Variants in SIPA1L2 observed in about 807,000 individuals in gnomAD.
SIPA1L2 encodes signal induced proliferation associated 1 like 2.
In SIPA1L2, 56 loss-of-function variants were observed where a neutral mutation model predicts 163.9. The observed-to-expected ratio is 0.34, with a 90% CI of 0.28 to 0.43. SIPA1L2 has a LOEUF of 0.43. Ranked by LOEUF, SIPA1L2 falls within the 20% of genes least tolerant of loss-of-function variation. SIPA1L2 has a pLI of 1.00. For synonymous variants in SIPA1L2, 877 were observed against 865.7 expected, an observed-to-expected ratio of 1.01 and a Z score of -0.23; for missense variants, 1,974 against 2,193.5, an observed-to-expected ratio of 0.90 and a Z score of 2.00.
intron 2 of SIPA1L2, among the ~76,000 whole-genome samples, chr1:232,572,487 G>C (rs1418139699): frequency 6.6e-6 from 1 of 151,884 alleles, no homozygotes; most frequent in Non-Finnish European, 1.5e-5. Context: ...TTCAGGCAGA[G>C]TCTGTGTCTA....
intron 3 of SIPA1L2, among the ~76,000 whole-genome samples, chr1:232,501,887 C>T (rs1015923990): frequency 2.0e-5 from 3 of 152,200 alleles, no homozygotes; most frequent in Non-Finnish European, 4.4e-5. Flanking sequence ...AGTGGTCTTG[C>T]TCTTCTACCT....
At chr1:232,493,415 C>T (rs1046622307) in intron 4 of SIPA1L2, 112 bp downstream of exon 4, 14 of 1,314,766 alleles carry the variant, frequency 1.1e-5, no homozygotes, top group South Asian at 1.5e-5. Flanking sequence ...ATGTTGCAAT[C>T]ATTAACATTA....
intron 15 of SIPA1L2, among the ~76,000 whole-genome samples, chr1:232,433,033 A>G (rs962815723): frequency 6.6e-6 from 1 of 152,202 alleles, no homozygotes; most frequent in Admixed American, 6.5e-5. Flanking sequence ...CTTACGATAC[A>G]GCAATCCCAC....
rs1424137472 is a variant in SIPA1L2, at chr1:232,597,519, AT to A, written c.-318-23298del. On this transcript the variant is annotated intron_variant, in intron 1 of 22. Transcript: ENST00000674635. ...GGTGAAACCCCGTCTCTACTAAAAA[AT>A]ACCAAAAAAAAAAAAAAAAATTAGC... Among the ~76,000 whole-genome samples the A allele has an allele frequency of 4.5e-4, 66 of 148,150 alleles. No homozygotes were observed. The South Asian group carries it at 5.2e-3, about 12-fold the overall frequency.
At chr1:232,545,268 C>T (rs1399578144) in intron 2 of SIPA1L2, among the ~76,000 whole-genome samples, 2 of 152,152 alleles carry the variant, frequency 1.3e-5, no homozygotes, top group African/African-American at 2.4e-5. Context: ...TAAACCTGGC[C>T]ACAAACAAGC....
chr1:232,491,729 G>T (rs995167124), intron 4 of SIPA1L2, among the ~76,000 whole-genome samples: 1 of 152,128 alleles, frequency 6.6e-6, no homozygotes, highest in Non-Finnish European at 1.5e-5. Flanking sequence ...AAGAGAACTG[G>T]TTCTAATCCA....
intron 1 of SIPA1L2, among the ~76,000 whole-genome samples, chr1:232,596,083 G>T (rs561689161): frequency 6.6e-6 from 1 of 152,264 alleles, no homozygotes; most frequent in South Asian, 2.1e-4. Flanking sequence ...GCTGAAGATG[G>T]GGGTGAGGGT....
At chr1:232,600,513 T>C (rs1333819191) in intron 1 of SIPA1L2, among the ~76,000 whole-genome samples, 3 of 152,240 alleles carry the variant, frequency 2.0e-5, no homozygotes, top group Admixed American at 2.0e-4. Context: ...ACTGGGTTAC[T>C]AGGGTGACTG....
chr1:232,584,803 G>A (rs974467220), intron 1 of SIPA1L2, among the ~76,000 whole-genome samples: 13 of 152,182 alleles, frequency 8.5e-5, no homozygotes, highest in African/African-American at 3.1e-4. Flanking sequence ...AGGTCAACCA[G>A]ACAGAAGAAA....
At position 232,406,784 on chromosome 1, in the gene SIPA1L2, AG is replaced by A. The variant is rs75908461; in HGVS notation, c.4763-2607del. On this transcript the variant is annotated intron_variant, in intron 19 of 22. Transcript: ENST00000674635. ...TGTTGAGGGTGAGGAATAGAACGAT[AG>A]TGCCTGCCCCAGATACATGCCAGAT... Among the ~76,000 whole-genome samples, 5,245 of 152,260 alleles carry A rather than the reference AG, an allele frequency of 0.034. 739 individuals carry two copies. In the East Asian group the frequency reaches 0.48, roughly 14 times the overall value.
intron 1 of SIPA1L2, among the ~76,000 whole-genome samples, chr1:232,597,347 T>G (rs540528476): frequency 1.3e-5 from 2 of 152,108 alleles, no homozygotes; most frequent in Admixed American, 6.5e-5. Flanking sequence ...GCAGCCTCTA[T>G]GGTGGGACTC....
At chr1:232,479,958 C>T (rs1665242011) in intron 6 of SIPA1L2, among the ~76,000 whole-genome samples, 1 of 152,128 alleles carries the variant, frequency 6.6e-6, no homozygotes, top group South Asian at 2.1e-4. Flanking sequence ...TCTACTGCAC[C>T]TTTAGTTTCC....
At chr1:232,500,781 G>A (rs1666427458) in intron 3 of SIPA1L2, among the ~76,000 whole-genome samples, 1 of 152,222 alleles carries the variant, frequency 6.6e-6, no homozygotes, top group Non-Finnish European at 1.5e-5. Context: ...TTCAACAGTG[G>A]CAGAGTTTCC....
At chr1:232,625,853 A>G (rs990895700) in intron 1 of SIPA1L2, among the ~76,000 whole-genome samples, 4 of 152,256 alleles carry the variant, frequency 2.6e-5, no homozygotes, top group Admixed American at 2.6e-4. Context: ...TATTACCGGA[A>G]GACCACTTAC....
chr1:232,441,541 A>G, intron 13 of SIPA1L2, 147 bp from the exon 14 acceptor site: 2 of 798,228 alleles, frequency 2.5e-6, no homozygotes, highest in Non-Finnish European at 4.2e-6. Flanking sequence ...GATATGTCAC[A>G]AAAGTATACA....
At chr1:232,423,098 C>T (rs1391466615) in intron 18 of SIPA1L2, among the ~76,000 whole-genome samples, 6 of 152,162 alleles carry the variant, frequency 3.9e-5, no homozygotes, top group East Asian at 1.9e-4. Context: ...CAGTCAGCCA[C>T]GCACGAGATT....
intron 1 of SIPA1L2, among the ~76,000 whole-genome samples, chr1:232,612,806 A>G (rs1662314690): frequency 6.6e-6 from 1 of 152,286 alleles, no homozygotes; most frequent in Admixed American, 6.5e-5. Context: ...ACTGTTGGGA[A>G]GGCATGATTG....
rs1662346669 is a variant in SIPA1L2 at position 232,613,335 on chromosome 1, T to A, written c.-319+16534A>T. 2.6e-5 allele frequency among the ~76,000 whole-genome samples: 4 copies of A among 152,228 alleles called. No homozygotes were observed. In the South Asian group the frequency reaches 8.3e-4, roughly 32 times the overall value. On this transcript the variant is annotated intron_variant, in intron 1 of 22. Coordinates refer to ENST00000674635, the MANE Select transcript of SIPA1L2 (RefSeq NM_020808.5). ...ACCCAGAAAGATGTAACTTAAAATA[T>A]TAGTGTTTTCACAAGACCCTTTATA...
At chr1:232,462,488 A>G in intron 9 of SIPA1L2, 1 of 843,098 alleles carries the variant, frequency 1.2e-6, no homozygotes, top group South Asian at 2.3e-5. Context: ...CCACAAGTGC[A>G]CACAATGCCA....
Sources: gnomAD v4.1 joint callset for allele counts (sites outside exome capture counted in the v4.1 genomes callset) on GRCh38, gnomAD v4.1.1 for gene constraint, MANE v1.5 for transcripts, NCBI Gene and HGNC (gene_info 2026-07-23, HGNC 2026-07-21) for gene names.